Variants in TRPC4 observed in about 807,000 individuals in gnomAD.
TRPC4 encodes the protein transient receptor potential cation channel subfamily C member 4.
TRPC4 carries 49 observed loss-of-function variants against 99.4 expected under a neutral mutation model. The ratio of observed to expected loss-of-function variants is 0.49; its 90% CI spans 0.39 to 0.63. The LOEUF (loss-of-function observed/expected upper bound fraction) is 0.63, where lower values mean the gene tolerates loss of function less well. Among genes scored for constraint, TRPC4 ranks in the 20% least tolerant of loss-of-function variants. The pLI is 0.00. For synonymous variants in TRPC4, 454 were observed against 425.9 expected, an observed-to-expected ratio of 1.07 and a Z score of -0.81; for missense variants, 898 against 1,152.9, an observed-to-expected ratio of 0.78 and a Z score of 3.20.
chr13:37,839,011 T>C (rs1260743417), intron 1 of TRPC4, among the ~76,000 whole-genome samples: 2 of 152,192 alleles, frequency 1.3e-5, no homozygotes, highest in Admixed American at 1.3e-4. Flanking sequence ...TATCATGCTC[T>C]TATATATATC....
intron 1 of TRPC4, among the ~76,000 whole-genome samples, chr13:37,800,556 T>C (rs1266420546): frequency 6.6e-6 from 1 of 152,148 alleles, no homozygotes; most frequent in African/African-American, 2.4e-5. Flanking sequence ...TGAAAAAGTA[T>C]GATTTTTTAT....
At chr13:37,861,368 A>C (rs1421397268) in intron 1 of TRPC4, among the ~76,000 whole-genome samples, 1 of 151,620 alleles carries the variant, frequency 6.6e-6, no homozygotes, top group Non-Finnish European at 1.5e-5. Flanking sequence ...AAAAATGGGC[A>C]ATTTTCATTT....
chr13:37,753,960 C>G (rs890012405), intron 2 of TRPC4, among the ~76,000 whole-genome samples: 1 of 152,030 alleles, frequency 6.6e-6, no homozygotes, highest in African/African-American at 2.4e-5. Flanking sequence ...CACCTCAAAG[C>G]ACCCCCGCTA....
At chr13:37,760,001 T>G (rs1956183292) in intron 2 of TRPC4, among the ~76,000 whole-genome samples, 1 of 152,036 alleles carries the variant, frequency 6.6e-6, no homozygotes, top group Admixed American at 6.6e-5. Flanking sequence ...ATATTTGAAT[T>G]AGCAGTAATG....
chr13:37,791,611 A>G (rs1002408623), intron 1 of TRPC4, among the ~76,000 whole-genome samples: 1 of 152,138 alleles, frequency 6.6e-6, no homozygotes, highest in Admixed American at 6.6e-5. Flanking sequence ...CTGCACTCAC[A>G]GAGTTTATGA....
At chr13:37,698,550 A>G (rs373284675) in intron 3 of TRPC4, among the ~76,000 whole-genome samples, 11 of 152,004 alleles carry the variant, frequency 7.2e-5, no homozygotes, top group East Asian at 5.8e-4. Flanking sequence ...TTTAAAGTCA[A>G]CCTTCTTATT....
chr13:37,688,433 T>A (rs1045994737), intron 4 of TRPC4, among the ~76,000 whole-genome samples: 3 of 152,008 alleles, frequency 2.0e-5, no homozygotes, highest in Non-Finnish European at 4.4e-5. Flanking sequence ...ATATATAAAA[T>A]AATGGAAATT....
At chr13:37,796,855 G>A (rs1333599804) in intron 1 of TRPC4, among the ~76,000 whole-genome samples, 2 of 150,954 alleles carry the variant, frequency 1.3e-5, no homozygotes, top group African/African-American at 4.9e-5. Flanking sequence ...TACTTTGAGA[G>A]GCCAAGGCAA....
chr13:37,792,740 T>C (rs1957153931), intron 1 of TRPC4, among the ~76,000 whole-genome samples: 2 of 151,308 alleles, frequency 1.3e-5, no homozygotes, highest in East Asian at 1.9e-4. Context: ...TGTGTGTGTG[T>C]GTGTGTGTGT....
At chr13:37,709,268 T>C (rs1439508626) in intron 3 of TRPC4, among the ~76,000 whole-genome samples, 1 of 151,982 alleles carries the variant, frequency 6.6e-6, no homozygotes, top group African/African-American at 2.4e-5. Flanking sequence ...TGGTACTAAA[T>C]GTTGTCAGCA....
At chr13:37,716,653 G>A (rs1954677920) in intron 3 of TRPC4, among the ~76,000 whole-genome samples, 1 of 151,958 alleles carries the variant, frequency 6.6e-6, no homozygotes, top group African/African-American at 2.4e-5. Flanking sequence ...AGACATTACT[G>A]CTAAAATATG....
intron 3 of TRPC4, among the ~76,000 whole-genome samples, chr13:37,718,128 C>T (rs1383326117): frequency 6.6e-6 from 1 of 151,826 alleles, no homozygotes; most frequent in Non-Finnish European, 1.5e-5. Flanking sequence ...AGAGAGAATT[C>T]CATAAAAGAG....
chr13:37,650,510 C>A (rs1378065327), intron 8 of TRPC4, among the ~76,000 whole-genome samples: 2 of 151,874 alleles, frequency 1.3e-5, no homozygotes, highest in African/African-American at 4.8e-5. Flanking sequence ...AAGGGAAATA[C>A]CATCTTCCAG....
intron 1 of TRPC4, among the ~76,000 whole-genome samples, chr13:37,799,388 A>T (rs1484185770): frequency 6.6e-6 from 1 of 152,006 alleles, no homozygotes; most frequent in Non-Finnish European, 1.5e-5. Flanking sequence ...TGTTCCTTCT[A>T]CTGCCTCTTC....
chr13:37,662,580 G>T (rs1431797614), intron 6 of TRPC4, among the ~76,000 whole-genome samples: 1 of 152,156 alleles, frequency 6.6e-6, no homozygotes, highest in Non-Finnish European at 1.5e-5. Context: ...TAGTATACAA[G>T]ATTCTATGAT....
intron 2 of TRPC4, among the ~76,000 whole-genome samples, chr13:37,776,902 T>A (rs1956720918): frequency 6.6e-6 from 1 of 151,958 alleles, no homozygotes; most frequent in Non-Finnish European, 1.5e-5. Flanking sequence ...TTTACTGGAA[T>A]CCATATCGAC....
chr13:37,644,596 C>T (rs1220160582), intron 8 of TRPC4, among the ~76,000 whole-genome samples: 1 of 151,896 alleles, frequency 6.6e-6, no homozygotes, highest in Non-Finnish European at 1.5e-5. Context: ...TGTGGCCGGG[C>T]GCGGTGGTTC....
intron 1 of TRPC4, among the ~76,000 whole-genome samples, chr13:37,785,323 C>T (rs1956941304): frequency 6.6e-6 from 1 of 151,994 alleles, no homozygotes. Flanking sequence ...GAGTCTATAA[C>T]AGTGTGTGGG....
intron 6 of TRPC4, among the ~76,000 whole-genome samples, chr13:37,659,875 A>G (rs2138668545): frequency 6.6e-6 from 1 of 152,322 alleles, no homozygotes; most frequent in South Asian, 2.1e-4. Context: ...ATGTTGACTA[A>G]GAAAAGGAAT....
Sources: gnomAD v4.1 joint callset for allele counts (sites outside exome capture counted in the v4.1 genomes callset) on GRCh38, gnomAD v4.1.1 for gene constraint, MANE v1.5 for transcripts, NCBI Gene and HGNC (gene_info 2026-07-23, HGNC 2026-07-21) for gene names.